Variants in HELQ observed in about 807,000 individuals in gnomAD.
HELQ encodes helicase, POLQ like, also known as helicase POLQ-like.
A neutral mutation model predicts 111.6 loss-of-function variants in HELQ; 77 were observed. The ratio of observed to expected loss-of-function variants is 0.69; its 90% CI spans 0.57 to 0.83. HELQ has a LOEUF of 0.83. Among genes scored for constraint, HELQ ranks in the 40% least tolerant of loss-of-function variants. The pLI is 0.00. For missense variants in HELQ, 1,200 were observed against 1,288.5 expected (o/e 0.93, Z 1.05); for synonymous variants, 438 against 454.7 (o/e 0.96, Z 0.47).
intron 12 of HELQ, among the ~76,000 whole-genome samples, chr4:83,428,553 C>A (rs1719967422): frequency 6.6e-6 from 1 of 151,984 alleles, no homozygotes; most frequent in Non-Finnish European, 1.5e-5. Context: ...AGAGCAAGAC[C>A]CTGTCAAAAA....
At chr4:83,432,786 C>T (rs757158086) in intron 9 of HELQ, among the ~76,000 whole-genome samples, 7 of 152,120 alleles carry the variant, frequency 4.6e-5, no homozygotes, top group Non-Finnish European at 7.3e-5. Context: ...GTGGCTCATG[C>T]CTGTAATCCC....
Position 83,448,801 on chromosome 4 carries a change from C to A in HELQ, c.1173G>T (p.Val391=), listed in dbSNP as rs1721191806. The part of the protein sequence containing the change: ...RKDVLMILPY[V]AIVQEKISGL... Reference sequence around the variant, plus strand: ...CACACACCTTTTCTTGGACAATTGCCACATATGGAAGAATCATTAAAACAT... The same window carrying A: ...CACACACCTTTTCTTGGACAATTGCAACATATGGAAGAATCATTAAAACAT... Residue 391 remains valine, a synonymous_variant, in exon 3 of 18, where the codon GTG becomes GTT. Transcript: ENST00000295488. 1 of 1,612,656 alleles carries A rather than the reference C, an allele frequency of 6.2e-7. No homozygotes were observed. Among genetic ancestry groups the A allele is most frequent in the Non-Finnish European group, 8.5e-7 (1 of 1,179,416 alleles).
At chr4:83,451,257 C>A (rs1319660074) in intron 2 of HELQ, among the ~76,000 whole-genome samples, 1 of 152,136 alleles carries the variant, frequency 6.6e-6, no homozygotes, top group Non-Finnish European at 1.5e-5. Flanking sequence ...AAAAATTATC[C>A]CTTTTTATAG....
At chr4:83,421,786 T>C in intron 14 of HELQ, 50 bp from the exon 15 acceptor site, 2 of 1,430,808 alleles carry the variant, frequency 1.4e-6, no homozygotes, top group Non-Finnish European at 9.7e-7. Flanking sequence ...GCTAAAAATG[T>C]ATGTTATTAA....
intron 17 of HELQ, among the ~76,000 whole-genome samples, chr4:83,412,347 T>C (rs1387025216): frequency 6.6e-6 from 1 of 152,244 alleles, no homozygotes; most frequent in Non-Finnish European, 1.5e-5. Context: ...CTGAGTCTGA[T>C]GCTGTGATAT....
intron 2 of HELQ, among the ~76,000 whole-genome samples, chr4:83,450,058 G>A (rs985118773): frequency 1.3e-5 from 2 of 151,306 alleles, no homozygotes; most frequent in African/African-American, 2.4e-5. Flanking sequence ...TCTATAGAAC[G>A]GAAGCCAAAG....
At chr4:83,419,943 T>TAC (rs765749364) in intron 15 of HELQ, among the ~76,000 whole-genome samples, 3 of 152,230 alleles carry the variant, frequency 2.0e-5, no homozygotes, top group Non-Finnish European at 4.4e-5. Flanking sequence ...AATTGCCATA[T>TAC]ACATATACAG....
intron 15 of HELQ, among the ~76,000 whole-genome samples, chr4:83,419,609 T>A (rs1202466001): frequency 6.7e-6 from 1 of 149,488 alleles, no homozygotes; most frequent in Admixed American, 6.7e-5. Flanking sequence ...AGTTTTTTAC[T>A]TAAACAATTC....
At chr4:83,415,847 A>G (rs1003118642) in intron 17 of HELQ, among the ~76,000 whole-genome samples, 1 of 151,824 alleles carries the variant, frequency 6.6e-6, no homozygotes, top group South Asian at 2.1e-4. Context: ...GGGTTTTACC[A>G]TGTTGGCCAG....
intron 17 of HELQ, among the ~76,000 whole-genome samples, chr4:83,410,300 T>C (rs1227479765): frequency 6.6e-6 from 1 of 152,196 alleles, no homozygotes; most frequent in Non-Finnish European, 1.5e-5. Context: ...TAAAATGGAA[T>C]ACCAGTAGAA....
At chr4:83,425,941 G>T in intron 14 of HELQ, 53 bp downstream of exon 14, 1 of 913,166 alleles carries the variant, frequency 1.1e-6, no homozygotes, top group Non-Finnish European at 1.8e-6. Flanking sequence ...CTTAGTGAGT[G>T]AACTAAGTGT....
At chr4:83,428,601 A>G (rs189698815) in intron 12 of HELQ, among the ~76,000 whole-genome samples, 1 of 152,032 alleles carries the variant, frequency 6.6e-6, no homozygotes, top group East Asian at 1.9e-4. Flanking sequence ...AACCCCCACA[A>G]CACTTTATTC....
chr4:83,421,233 G>A (rs1252483503), intron 15 of HELQ, among the ~76,000 whole-genome samples: 1 of 152,174 alleles, frequency 6.6e-6, no homozygotes, highest in Non-Finnish European at 1.5e-5. Context: ...ACATTCACAT[G>A]GAATCTACAT....
At position 83,426,572 on chromosome 4, in the gene HELQ, G is replaced by GTT. The variant is rs769458072; in HGVS notation, c.2677-482_2677-481dup. 4.0e-4 allele frequency among the ~76,000 whole-genome samples: 58 copies of GTT among 145,632 alleles called. 1 individual carries two copies. The highest frequency in any genetic ancestry group is 1.3e-3 in the South Asian group (6 of 4,596). ...AATATACGTTTTTGTTTCTGTTTTT[G>GTT]TTTTTTTTTTTGAGACAGTCTCATT... On this transcript the variant is annotated intron_variant, in intron 13 of 17. Coordinates refer to ENST00000295488, the MANE Select transcript of HELQ (RefSeq NM_133636.5).
intron 17 of HELQ, among the ~76,000 whole-genome samples, 168 bp from the exon 18 acceptor site, chr4:83,407,728 A>G (rs990972680): frequency 6.6e-6 from 1 of 152,228 alleles, no homozygotes; most frequent in Non-Finnish European, 1.5e-5. Flanking sequence ...ATTATAGTCA[A>G]TGAAGATGAG....
At chr4:83,416,660 C>T in intron 17 of HELQ, 71 bp downstream of exon 17, 1 of 1,445,624 alleles carries the variant, frequency 6.9e-7, no homozygotes, top group African/African-American at 1.4e-5. Context: ...TGTTTTTGTT[C>T]TGATGTCTAT....
In HELQ at chr4:83,455,528, C is replaced by G. The variant is rs987610710; in HGVS notation, c.166G>C (p.Ala56Pro). ...TGTACCTCAACCGGCAGTACGCCCGCGGTTTTCCGCCTCCTGTTCTCAGCC... is the reference window on the plus strand; with the variant it reads ...TGTACCTCAACCGGCAGTACGCCCGGGGTTTTCCGCCTCCTGTTCTCAGCC... ...MVAENRRRKTAGVLPVEVQPL... is the reference protein window; with the variant it reads ...MVAENRRRKTPGVLPVEVQPL... Residue 56 changes from alanine (A) to proline (P), a missense_variant, in exon 1 of 18, where the codon GCG becomes CCG. Ala to Pro is a conservative substitution (Grantham distance 27). This residue lies in a region of HELQ where 610 missense variants were observed against 607.1 expected (regional missense o/e 1.00). Coordinates refer to ENST00000295488, the MANE Select transcript of HELQ (RefSeq NM_133636.5). 1 of 1,614,210 alleles carries G rather than the reference C, an allele frequency of 6.2e-7. No individual in the cohort carries two copies. The highest frequency in any genetic ancestry group is 1.1e-5 in the South Asian group (1 of 91,082).
At chr4:83,442,822 C>T (rs1720850338) in intron 6 of HELQ, among the ~76,000 whole-genome samples, 1 of 152,014 alleles carries the variant, frequency 6.6e-6, no homozygotes, top group Non-Finnish European at 1.5e-5. Context: ...AAAGTGTTGG[C>T]ATTGCAGGTG....
At chr4:83,441,729 A>C (rs1720765863) in intron 6 of HELQ, among the ~76,000 whole-genome samples, 1 of 151,692 alleles carries the variant, frequency 6.6e-6, no homozygotes, top group Non-Finnish European at 1.5e-5. Context: ...AACTTTTACT[A>C]AGGTATCATC....
Sources: gnomAD v4.1 joint callset for allele counts (sites outside exome capture counted in the v4.1 genomes callset) on GRCh38, gnomAD v4.1.1 for gene constraint, gnomAD v4.1.1 regional missense constraint, MANE v1.5 for transcripts, NCBI Gene and HGNC (gene_info 2026-07-23, HGNC 2026-07-21) for gene names.